The following MCC variants were observed in gnomAD, a reference collection of about 807,000 sequenced individuals.
MCC encodes MCC regulator of Wnt signaling pathway.
A neutral mutation model predicts 116.2 loss-of-function variants in MCC; 90 were observed. That is an observed-to-expected ratio of 0.77 (90% confidence interval 0.65 to 0.92). The LOEUF is 0.92. Among genes scored for constraint, MCC ranks in the 40% least tolerant of loss-of-function variants. The pLI is 0.00. For missense variants in MCC, 1,516 were observed against 1,312.2 expected, an observed-to-expected ratio of 1.16 and a Z score of -2.40; for synonymous variants, 578 against 510.5, an observed-to-expected ratio of 1.13 and a Z score of -1.78.
intron 2 of MCC, among the ~76,000 whole-genome samples, chr5:113,367,916 C>T (rs1768743123): frequency 6.6e-6 from 1 of 152,062 alleles, no homozygotes; most frequent in South Asian, 2.1e-4. Context: ...TTGCTTATCT[C>T]CTAAGGCCAG....
At position 113,254,486 on chromosome 5, in the gene MCC, G is replaced by A. The variant is rs1441831648; in HGVS notation, c.627+86033C>T. ...AAATAAATTATAGTTTTGAGAGAAT[G>A]AAGACAAATATTACTTCTGTAAATG... On this transcript the variant is annotated intron_variant, in intron 3 of 18. Coordinates refer to ENST00000408903, the MANE Select transcript of MCC (RefSeq NM_001085377.2). 2.6e-5 allele frequency among the ~76,000 whole-genome samples: 4 copies of A among 152,254 alleles called. No individual in the cohort carries two copies. In the East Asian group the frequency reaches 7.7e-4, roughly 29 times the overall value.
chr5:113,488,395 G>A lies in MCC; in HGVS notation c.20C>T (p.Ala7Val). 7.2e-7 allele frequency: 1 copy of A among 1,398,000 alleles called. No homozygotes were observed. Among genetic ancestry groups the A allele is most frequent in the Admixed American group, 3.8e-5 (1 of 26,376 alleles). The allele number at this position is 1,398,000 out of a possible 1,614,324, so 86.6% of individuals were successfully genotyped here. The change falls in exon 1 of 19, where the codon GCA (alanine) becomes GTA (valine). Residue 7 changes from alanine to valine, a missense_variant. By Grantham distance (64) the Ala-to-Val change is moderately conservative. Coordinates refer to ENST00000408903, the MANE Select transcript of MCC (RefSeq NM_001085377.2). The part of the protein sequence containing the change: MMAAAA[A>V]AAAGSSSSGG... ...GCTGCTGGAGCTCCCCGCAGCCGCTGCCGCCGCGGCCGCCATCATGCGCCC... is the reference window on the plus strand; with the variant it reads ...GCTGCTGGAGCTCCCCGCAGCCGCTACCGCCGCGGCCGCCATCATGCGCCC...
At chr5:113,045,735 G>A (rs1752026864) in intron 16 of MCC, among the ~76,000 whole-genome samples, 1 of 150,826 alleles carries the variant, frequency 6.6e-6, no homozygotes. Flanking sequence ...GTAGGTGGAG[G>A]CTGCTGTGAG....
At chr5:113,181,011 A>G (rs2150308934) in intron 3 of MCC, among the ~76,000 whole-genome samples, 1 of 152,314 alleles carries the variant, frequency 6.6e-6, no homozygotes, top group African/African-American at 2.4e-5. Context: ...CCAACCTCCC[A>G]ACTTGATTAA....
chr5:113,427,980 T>G (rs1328569080), intron 1 of MCC, among the ~76,000 whole-genome samples: 1 of 152,136 alleles, frequency 6.6e-6, no homozygotes, highest in Non-Finnish European at 1.5e-5. Flanking sequence ...TCCTCCAAAA[T>G]AAATGTCCAG....
At chr5:113,300,869 A>G (rs1245920773) in intron 3 of MCC, among the ~76,000 whole-genome samples, 1 of 152,218 alleles carries the variant, frequency 6.6e-6, no homozygotes, top group Non-Finnish European at 1.5e-5. Context: ...TACAACATGA[A>G]GAACTCAGGA....
chr5:113,476,342 T>C (rs1045371164), intron 1 of MCC, among the ~76,000 whole-genome samples: 74 of 152,290 alleles, frequency 4.9e-4, no homozygotes, highest in African/African-American at 1.4e-3. Context: ...AGTATAAGGA[T>C]AGGCACACAG....
chr5:113,282,541 G>C (rs192863995), intron 3 of MCC, among the ~76,000 whole-genome samples: 3 of 152,290 alleles, frequency 2.0e-5, no homozygotes, highest in African/African-American at 2.4e-5. Context: ...GACAGAGACA[G>C]AGAGAGGATA....
At chr5:113,333,873 T>TATGTATATATGTATATATGTA (rs1767802942) in intron 3 of MCC, among the ~76,000 whole-genome samples, 1 of 6,718 alleles carries the variant, frequency 1.5e-4, no homozygotes, top group Non-Finnish European at 5.2e-4. Context: ...ATATATGTAT[T>TATGTATATATGTATATATGTA]CACATATACA....
chr5:113,196,613 G>A (rs879000836), intron 3 of MCC, among the ~76,000 whole-genome samples: 2 of 152,228 alleles, frequency 1.3e-5, no homozygotes, highest in Admixed American at 1.3e-4. Flanking sequence ...CACTTTGGGA[G>A]GCCAAGGTGG....
chr5:113,465,429 T>A (rs1054081106), intron 1 of MCC, among the ~76,000 whole-genome samples: 1 of 152,022 alleles, frequency 6.6e-6, no homozygotes, highest in Non-Finnish European at 1.5e-5. Flanking sequence ...AAAATACTTA[T>A]AAGAAAATAA....
At chr5:113,094,231 T>C (rs930496632) in intron 8 of MCC, among the ~76,000 whole-genome samples, 1 of 152,140 alleles carries the variant, frequency 6.6e-6, no homozygotes, top group Non-Finnish European at 1.5e-5. Context: ...TTATTGTTAA[T>C]GGCAATTTTG....
intron 2 of MCC, among the ~76,000 whole-genome samples, chr5:113,345,268 C>T (rs1401432515): frequency 6.6e-6 from 1 of 151,738 alleles, no homozygotes; most frequent in Non-Finnish European, 1.5e-5. Flanking sequence ...GTAGATTTTA[C>T]GTTTTTTTTT....
chr5:113,340,802 G>T, intron 2 of MCC, 72 bp from the exon 3 acceptor site: 2 of 1,240,196 alleles, frequency 1.6e-6, no homozygotes, highest in South Asian at 1.3e-5. Flanking sequence ...AATAGGCAAT[G>T]ATTTGGAACC....
intron 1 of MCC, among the ~76,000 whole-genome samples, chr5:113,460,941 C>T (rs747715484): frequency 6.6e-6 from 1 of 152,176 alleles, no homozygotes; most frequent in Non-Finnish European, 1.5e-5. Context: ...GGCACTTTAT[C>T]GCATTTATTT....
At chr5:113,066,646 A>C (rs1023856544) in intron 13 of MCC, among the ~76,000 whole-genome samples, 2 of 152,222 alleles carry the variant, frequency 1.3e-5, no homozygotes, top group African/African-American at 2.4e-5. Context: ...AAACTGAAGG[A>C]GGAAACACAT....
intron 1 of MCC, among the ~76,000 whole-genome samples, chr5:113,427,670 C>T (rs186973177): frequency 3.3e-4 from 50 of 152,236 alleles, no homozygotes; most frequent in African/African-American, 1.1e-3. Context: ...TTAACCTTCC[C>T]GTATTTTACT....
intron 4 of MCC, among the ~76,000 whole-genome samples, chr5:113,148,737 G>A (rs557413227): frequency 6.6e-6 from 1 of 151,706 alleles, no homozygotes; most frequent in Admixed American, 6.6e-5. Flanking sequence ...TTTTTTTCAT[G>A]TTCTCTTTCC....
chr5:113,071,258 T>G (rs116148678), intron 11 of MCC, 24 bp from the exon 12 acceptor site: 25 of 1,611,284 alleles, frequency 1.6e-5, no homozygotes, highest in Non-Finnish European at 2.1e-5. Context: ...AAAATCAGAT[T>G]CACACTAGGG....
Sources: allele counts gnomAD v4.1 joint callset (sites outside exome capture counted in the v4.1 genomes callset), GRCh38; gene constraint gnomAD v4.1.1; transcripts MANE v1.5; gene names NCBI Gene and HGNC (gene_info 2026-07-23, HGNC 2026-07-21).